Variants in PHF21A observed in about 807,000 individuals in gnomAD.
The protein encoded by PHF21A is PHD finger protein 21A, also known as BHC80a.
PHF21A carries 11 observed loss-of-function variants against 82.5 expected under a neutral mutation model. The observed-to-expected ratio is 0.13, with a 90% CI of 0.08 to 0.22. The LOEUF (loss-of-function observed/expected upper bound fraction) is 0.22, where lower values mean the gene tolerates loss of function less well. Ranked by LOEUF, PHF21A falls within the 10% of genes least tolerant of loss-of-function variation. The pLI, the probability that PHF21A is intolerant of heterozygous loss-of-function variation, is 1.00. For missense variants in PHF21A, 579 were observed against 837.8 expected (o/e 0.69, Z 3.81); for synonymous variants, 297 against 302.8 (o/e 0.98, Z 0.20).
At chr11:45,948,058 T>C (rs2135432268) in intron 14 of PHF21A, among the ~76,000 whole-genome samples, 1 of 152,322 alleles carries the variant, frequency 6.6e-6, no homozygotes, top group East Asian at 1.9e-4. Flanking sequence ...AAAATTAGTA[T>C]GCTACTCCGC....
At chr11:46,097,088 C>T (rs1393407982) in intron 1 of PHF21A, among the ~76,000 whole-genome samples, 1 of 152,130 alleles carries the variant, frequency 6.6e-6, no homozygotes, top group Non-Finnish European at 1.5e-5. Context: ...ACTCTCCTAC[C>T]ACCTCCCTGG....
chr11:45,930,913 C>G lies in PHF21A; in HGVS notation c.*3055G>C, dbSNP rs1007357093. On this transcript the variant is annotated 3_prime_UTR_variant, in exon 19 of 19. Transcript: ENST00000676320. ...GTCTCAGGTGGTCACAGGCCCCCCC[C>G]CCTCCCCGCCCAGGTCTGAGGGGAC... 2.6e-5 allele frequency: 4 copies of G among 150,966 alleles called. No homozygotes were observed. The highest frequency in any genetic ancestry group is 9.8e-5 in the African/African-American group (4 of 41,008). 9.4% of individuals were successfully genotyped at this position (150,966 alleles called of 1,614,324 possible). A position where few individuals can be genotyped will look rare whatever the true frequency, so the allele number is the denominator to read the frequency against.
At chr11:45,961,858 C>T (rs1237564275) in intron 10 of PHF21A, among the ~76,000 whole-genome samples, 1 of 152,202 alleles carries the variant, frequency 6.6e-6, no homozygotes, top group Non-Finnish European at 1.5e-5. Context: ...ACTTTTCTGT[C>T]TAAAACGAGT....
chr11:46,089,267 CAA>C lies in PHF21A; in HGVS notation c.-84+1186_-84+1187del, dbSNP rs1194319796. 2.0e-5 allele frequency among the ~76,000 whole-genome samples: 3 copies of C among 152,164 alleles called. No homozygotes were observed. The East Asian group carries it at 5.8e-4, about 29-fold the overall frequency. ...TTTGAATATCAGGTTTCAATTTGTACAAAATACTTCCTACTATGTATCTAATA... is the reference window on the plus strand; with the variant it reads ...TTTGAATATCAGGTTTCAATTTGTACAATACTTCCTACTATGTATCTAATA... On this transcript the variant is annotated intron_variant, in intron 3 of 18. Transcript: ENST00000676320.
At chr11:45,950,095 A>T (rs1336679716) in intron 12 of PHF21A, 111 bp downstream of exon 12, 5 of 847,332 alleles carry the variant, frequency 5.9e-6, no homozygotes, top group Non-Finnish European at 7.5e-6. Flanking sequence ...TGGCTGAATC[A>T]TACTCTATTT....
At chr11:46,054,485 C>T (rs769762612) in intron 6 of PHF21A, among the ~76,000 whole-genome samples, 1 of 152,146 alleles carries the variant, frequency 6.6e-6, no homozygotes, top group Non-Finnish European at 1.5e-5. Context: ...GCGCCATTCT[C>T]GAAGATTCTG....
At chr11:45,963,787 G>A (rs1314565109) in intron 10 of PHF21A, among the ~76,000 whole-genome samples, 1 of 152,170 alleles carries the variant, frequency 6.6e-6, no homozygotes, top group Non-Finnish European at 1.5e-5. Flanking sequence ...GAGAGCCAGT[G>A]CAAAACAACA....
intron 6 of PHF21A, among the ~76,000 whole-genome samples, chr11:46,037,615 C>T (rs1269768466): frequency 6.8e-6 from 1 of 146,802 alleles, no homozygotes; most frequent in East Asian, 2.1e-4. Context: ...CGCACTCCAG[C>T]CTGGACAAGA....
chr11:46,020,220 C>T (rs2095601986), intron 6 of PHF21A, among the ~76,000 whole-genome samples: 1 of 152,170 alleles, frequency 6.6e-6, no homozygotes, highest in Non-Finnish European at 1.5e-5. Context: ...CTAATGCCTT[C>T]TTTTGTTCCC....
intron 1 of PHF21A, among the ~76,000 whole-genome samples, chr11:46,099,361 A>G (rs893630670): frequency 2.4e-4 from 37 of 152,294 alleles, no homozygotes; most frequent in Middle Eastern, 6.8e-3. Context: ...GTACTTCCAG[A>G]TAAATGGACA....
intron 6 of PHF21A, among the ~76,000 whole-genome samples, chr11:46,019,914 A>G (rs1286807681): frequency 6.6e-6 from 1 of 152,126 alleles, no homozygotes; most frequent in Non-Finnish European, 1.5e-5. Flanking sequence ...CAGGGTTCCT[A>G]ATAATCTTAA....
chr11:46,062,777 T>A (rs919847843), intron 6 of PHF21A, among the ~76,000 whole-genome samples: 1 of 152,184 alleles, frequency 6.6e-6, no homozygotes, highest in African/African-American at 2.4e-5. Flanking sequence ...CTTAAAAAGT[T>A]AAAAACACAC....
intron 6 of PHF21A, among the ~76,000 whole-genome samples, chr11:45,996,524 A>AGG (rs1174334585): frequency 1.3e-5 from 2 of 152,202 alleles, no homozygotes; most frequent in Non-Finnish European, 2.9e-5. Flanking sequence ...AGAGAGAGAG[A>AGG]GAAACGTATT....
intron 15 of PHF21A, among the ~76,000 whole-genome samples, chr11:45,938,646 A>G (rs1251789716): frequency 6.6e-6 from 1 of 152,218 alleles, no homozygotes. Context: ...TAAATTAGGC[A>G]CAATAAGAGA....
At chr11:46,023,386 AG>A in intron 6 of PHF21A, among the ~76,000 whole-genome samples, 1 of 152,326 alleles carries the variant, frequency 6.6e-6, no homozygotes, top group East Asian at 1.9e-4. Flanking sequence ...GAAGGGATTT[AG>A]GTAACATTTC....
At chr11:45,946,193 C>A in intron 14 of PHF21A, 190 bp from the exon 15 acceptor site, 1 of 1,244,104 alleles carries the variant, frequency 8.0e-7, no homozygotes, top group Non-Finnish European at 1.2e-6. Flanking sequence ...TCATTAGAAA[C>A]AACTATATGA....
rs1322737623 is a variant in PHF21A at position 45,931,584 on chromosome 11, C to G, written c.*2384G>C. 1.3e-5 allele frequency: 2 copies of G among 152,230 alleles called. No individual in the cohort carries two copies. Among genetic ancestry groups the G allele is most frequent in the Non-Finnish European group, 2.9e-5 (2 of 68,060 alleles). The allele number at this position is 152,230 out of a possible 1,614,324, so 9.4% of individuals were successfully genotyped here. On this transcript the variant is annotated 3_prime_UTR_variant, in exon 19 of 19. Transcript: ENST00000676320. The stretch of plus-strand genomic sequence containing the variant: ...TGATAGAGATGAGACACATTTTACT[C>G]TAAGAAGTGTCTCTTCTCTGTTGCA...
chr11:46,071,259 G>A (rs972859284), intron 6 of PHF21A, among the ~76,000 whole-genome samples: 4 of 152,102 alleles, frequency 2.6e-5, no homozygotes, highest in Admixed American at 6.5e-5. Context: ...AAATGAATAC[G>A]CCCCAGGTAG....
At chr11:46,065,870 T>C (rs2096587799) in intron 6 of PHF21A, among the ~76,000 whole-genome samples, 2 of 152,212 alleles carry the variant, frequency 1.3e-5, no homozygotes. Flanking sequence ...TTAAAAGATA[T>C]GTGGTAAGAG....
Sources: gnomAD v4.1 joint callset for allele counts (sites outside exome capture counted in the v4.1 genomes callset) on GRCh38, gnomAD v4.1.1 for gene constraint, MANE v1.5 for transcripts, NCBI Gene and HGNC (gene_info 2026-07-23, HGNC 2026-07-21) for gene names.